Variants in DDX23 observed in about 807,000 individuals in gnomAD.
DDX23 encodes probable ATP-dependent RNA helicase DDX23.
In DDX23, 33 loss-of-function variants were observed where a neutral mutation model predicts 102.7. That is an observed-to-expected ratio of 0.32 (90% confidence interval 0.24 to 0.43). The LOEUF (loss-of-function observed/expected upper bound fraction) is 0.43, where lower values mean the gene tolerates loss of function less well. Among genes scored for constraint, DDX23 ranks in the 20% least tolerant of loss-of-function variants. The pLI is 1.00. For synonymous variants in DDX23, 352 were observed against 376.0 expected, an observed-to-expected ratio of 0.94 and a Z score of 0.74; for missense variants, 549 against 1,086.6, an observed-to-expected ratio of 0.51 and a Z score of 6.96.
Position 48,836,235 on chromosome 12 carries a change from G to A in DDX23, c.1268C>T (p.Pro423Leu), listed in dbSNP as rs1432462921. The A allele has an allele frequency of 1.2e-6, 2 of 1,614,038 alleles. No individual in the cohort carries two copies. Among genetic ancestry groups the A allele is most frequent in the Non-Finnish European group, 1.7e-6 (2 of 1,180,044 alleles). Residue 423 changes from proline to leucine, a missense_variant, in exon 11 of 17, where the codon CCC (proline) becomes CTC (leucine). This residue lies in a region of DDX23 where 270 missense variants were observed against 707.0 expected (regional missense o/e 0.38). Coordinates refer to ENST00000308025, the MANE Select transcript of DDX23 (RefSeq NM_004818.3). The surrounding 1 kb of genome is among the most constrained non-coding windows in gnomAD (Gnocchi z 6.1). ...GATGTCACGATTCTGTAGCCCAATG[G>A]GAATTGCCTGACGCTGTATAGGTGT... is the stretch of plus-strand genomic sequence containing the variant. Reference protein sequence around the residue: ...EPTPIQRQAIPIGLQNRDIIG... With the variant: ...EPTPIQRQAILIGLQNRDIIG...
At position 48,840,003 on chromosome 12, in the gene DDX23, T is replaced by C. The variant is rs755103107; in HGVS notation, c.414+10A>G. On this transcript the variant is annotated intron_variant, in intron 4 of 16. Transcript: ENST00000308025. Reference sequence around the variant, plus strand: ...AGTTGAAGATGAAAAATATCCTTCCTCTCCTTTACCTTAGGCTTCTTATCA... The same window carrying C: ...AGTTGAAGATGAAAAATATCCTTCCCCTCCTTTACCTTAGGCTTCTTATCA... 1 of 1,613,352 alleles carries C rather than the reference T, an allele frequency of 6.2e-7. No individual in the cohort carries two copies. The highest frequency in any genetic ancestry group is 8.5e-7 in the Non-Finnish European group (1 of 1,179,346).
At position 48,837,945 on chromosome 12, in the gene DDX23, A is replaced by G. The variant is rs763212341; in HGVS notation, c.616T>C (p.Leu206=). 6 of 1,612,728 alleles carry G rather than the reference A, an allele frequency of 3.7e-6. No homozygotes were observed. The South Asian group carries it at 6.6e-5, about 18-fold the overall frequency. Residue 206 remains leucine (L), a synonymous_variant, in exon 6 of 17, where the codon TTG becomes CTG. Coordinates refer to ENST00000308025, the MANE Select transcript of DDX23 (RefSeq NM_004818.3). ...TACACAGGGTAGAATAACAAACCCA[A>G]CATCTTCCTGCCCAAGTCTTGGAAC... ...KQFQDLGRKM[L]EDPQERERRE... is the part of the protein sequence containing the mutation.
chr12:48,845,176 A>G (rs1184711372), intron 2 of DDX23, among the ~76,000 whole-genome samples: 1 of 141,062 alleles, frequency 7.1e-6, no homozygotes, highest in Non-Finnish European at 1.5e-5. Flanking sequence ...AAAAAAGGCC[A>G]GGCGCGGTGG....
At position 48,845,700 on chromosome 12, in the gene DDX23, C is replaced by G. The variant is rs1938656098; in HGVS notation, c.83G>C (p.Arg28Thr). Residue 28 changes from arginine to threonine, a missense_variant, in exon 2 of 17, where the codon AGA becomes ACA. Arg to Thr is a moderately conservative substitution (Grantham distance 71, BLOSUM62 -1). Transcript: ENST00000308025. ...EERKRSRTPDRERDRDRDRKS... is the reference protein window; with the variant it reads ...EERKRSRTPDTERDRDRDRKS... ...CCGGTCCCGGTCTCTATCCCGCTCT[C>G]TGTCAGGAGTCCGTGATCGCTTCCT... 3 of 1,614,130 alleles carry G rather than the reference C, an allele frequency of 1.9e-6. No individual in the cohort carries two copies. In the African/African-American group the frequency reaches 4.0e-5, roughly 22 times the overall value.
Position 48,844,031 on chromosome 12 carries a change from G to C in DDX23, c.229C>G (p.Arg77Gly). Reference sequence around the variant, plus strand: ...CGATCCCGCTCCTTATCTCGTTCTCGTTCTTTGTGCCGTCGTTCTCTGGAA... The same window carrying C: ...CGATCCCGCTCCTTATCTCGTTCTCCTTCTTTGTGCCGTCGTTCTCTGGAA... The part of the protein sequence containing the change: ...SAERERRHKE[R>G]ERDKERDRNK... The change falls in exon 3 of 17, where the codon CGA (arginine) becomes GGA (glycine). Residue 77 changes from arginine to glycine, a missense_variant. Around this residue, in one of 4 missense-constraint regions of DDX23, gnomAD observed 241 missense variants for 267.0 expected, o/e 0.90. Transcript: ENST00000308025. The C allele has an allele frequency of 6.2e-7, 1 of 1,613,830 alleles. No individual in the cohort carries two copies. The highest frequency in any genetic ancestry group is 8.5e-7 in the Non-Finnish European group (1 of 1,179,954).
At position 48,831,132 on chromosome 12, in the gene DDX23, T is replaced by G. The variant is rs1189010397; in HGVS notation, c.2239+10A>C. On this transcript the variant is annotated intron_variant, in intron 16 of 16. Transcript: ENST00000308025. ...CACCCTGGATTGAAGCTGCTTTCCC[T>G]GGAACTTACCTTCAATATTTTTGGC... The G allele has an allele frequency of 6.2e-7, 1 of 1,614,022 alleles. No homozygotes were observed.
At chr12:48,846,858 G>A (rs976346682) in intron 1 of DDX23, among the ~76,000 whole-genome samples, 7 of 152,190 alleles carry the variant, frequency 4.6e-5, no homozygotes, top group African/African-American at 1.4e-4. Context: ...GGGAGACACC[G>A]AACACCACTC....
At chr12:48,844,109 C>T in intron 2 of DDX23, 59 bp from the exon 3 acceptor site, 3 of 1,524,510 alleles carry the variant, frequency 2.0e-6, no homozygotes, top group Non-Finnish European at 2.7e-6. Flanking sequence ...TGCTTCACTG[C>T]AGCCCTGAGA....
chr12:48,841,794 G>C (rs1248399615), intron 3 of DDX23, among the ~76,000 whole-genome samples: 1 of 152,126 alleles, frequency 6.6e-6, no homozygotes, highest in South Asian at 2.1e-4. Flanking sequence ...GTGCAGTGGC[G>C]TGATCTTGGC....
In DDX23 at chr12:48,836,421, G is replaced by A. The variant is rs1592200775; in HGVS notation, c.1236+148C>T. The A allele has an allele frequency of 1.1e-5, 13 of 1,235,248 alleles. No individual in the cohort carries two copies. The highest frequency in any genetic ancestry group is 9.0e-5 in the African/African-American group (6 of 66,434). 76.5% of individuals were successfully genotyped at this position (1,235,248 alleles called of 1,614,324 possible). On this transcript the variant is annotated intron_variant, in intron 10 of 16. Coordinates refer to ENST00000308025, the MANE Select transcript of DDX23 (RefSeq NM_004818.3). The surrounding 1 kb of genome is among the most constrained non-coding windows in gnomAD (Gnocchi z 6.1). ...CCAAGAAGAAACCTAATCACTAAAA[G>A]CCAACACTTCTACCAGAAAGTGACA... is the stretch of plus-strand genomic sequence containing the variant.
At position 48,839,762 on chromosome 12, in the gene DDX23, A is replaced by C. The variant is rs1275870564; in HGVS notation, c.480+82T>G. ...AGCCTCCAGAACTGTGAGAAAATTA[A>C]CTTCTGTCGTTGAAGTCACCCAGTC... is the stretch of plus-strand genomic sequence containing the variant. On this transcript the variant is annotated intron_variant, in intron 5 of 16. Transcript: ENST00000308025. 3 of 1,409,802 alleles carry C rather than the reference A, an allele frequency of 2.1e-6. No individual in the cohort carries two copies. The African/African-American group carries it at 4.3e-5, about 20-fold the overall frequency. The allele number at this position is 1,409,802 out of a possible 1,614,324, so 87.3% of individuals were successfully genotyped here.
rs73300107 is a variant in DDX23, at chr12:48,840,927, A to G, written c.321-821T>C. Among the ~76,000 whole-genome samples, 1,431 of 152,102 alleles carry G rather than the reference A, an allele frequency of 9.4e-3. 29 individuals carry two copies. Among genetic ancestry groups the G allele is most frequent in the African/African-American group, 0.033 (1,363 of 41,518 alleles). The stretch of plus-strand genomic sequence containing the variant: ...ACAAGCCAAGAAGATACTGCTATCT[A>G]TATTCCCTCATCATTTTTCATTCCT... On this transcript the variant is annotated intron_variant, in intron 3 of 16. Coordinates refer to ENST00000308025, the MANE Select transcript of DDX23 (RefSeq NM_004818.3).
chr12:48,839,945 C>G, intron 4 of DDX23, 36 bp from the exon 5 acceptor site: 1 of 1,612,398 alleles, frequency 6.2e-7, no homozygotes. Context: ...TATAAAGGCT[C>G]TCTCCCTTTA....
In DDX23 at chr12:48,836,079, T is replaced by C. The variant is rs758259209; in HGVS notation, c.1382+42A>G. 1.9e-6 allele frequency: 3 copies of C among 1,603,258 alleles called. No homozygotes were observed. The highest frequency in any genetic ancestry group is 3.3e-5 in the Admixed American group (2 of 59,836). The stretch of plus-strand genomic sequence containing the variant: ...ATTCATTTGCCACTTTCACCTTTCC[T>C]ACCCAGACAAACCCACTCCAGCTGG... On this transcript the variant is annotated intron_variant, in intron 11 of 16. Coordinates refer to ENST00000308025, the MANE Select transcript of DDX23 (RefSeq NM_004818.3). This position sits in a 1 kb window ranked among gnomAD's most constrained non-coding sequence, Gnocchi z 6.1.
At chr12:48,848,345 A>G (rs1157565335) in intron 1 of DDX23, among the ~76,000 whole-genome samples, 3 of 152,212 alleles carry the variant, frequency 2.0e-5, no homozygotes, top group Non-Finnish European at 4.4e-5. Flanking sequence ...TACTTCATAA[A>G]GCTTAAATTC....
At chr12:48,839,227 T>C (rs553984763) in intron 5 of DDX23, among the ~76,000 whole-genome samples, 2 of 151,778 alleles carry the variant, frequency 1.3e-5, no homozygotes, top group Admixed American at 6.6e-5. Context: ...TTTGACTATA[T>C]GTGGAGACAG....
In DDX23 at chr12:48,837,642, C is replaced by T. The variant is rs747065780; in HGVS notation, c.635G>A (p.Arg212Gln). 3.7e-6 allele frequency: 6 copies of T among 1,614,052 alleles called. 1 individual carries two copies. The highest frequency in any genetic ancestry group is 2.7e-5 in the African/African-American group (2 of 74,988). The change falls in exon 7 of 17, where the codon CGG becomes CAG. Residue 212 changes from arginine (R) to glutamine (Q), a missense_variant. By Grantham distance (43) the Arg-to-Gln change is conservative. Around this residue, in one of 4 missense-constraint regions of DDX23, gnomAD observed 270 missense variants for 707.0 expected, o/e 0.38. Transcript: ENST00000308025. ...CCTCTCCCTGCGTTCCCGACGTTCC[C>T]GTTCCTGAGGATCTTCTGCAGACCA... Reference protein sequence around the residue: ...GRKMLEDPQERERRERRERME... With the variant: ...GRKMLEDPQEQERRERRERME...
At chr12:48,851,976 C>G (rs1383950917) in intron 1 of DDX23, 108 bp downstream of exon 1, 1 of 152,396 alleles carries the variant, frequency 6.6e-6, no homozygotes, top group Non-Finnish European at 1.5e-5. Context: ...TGCCCCTTCT[C>G]TGAGGCGTTC....
At chr12:48,845,855 C>A in intron 1 of DDX23, 73 bp from the exon 2 acceptor site, 1 of 1,479,222 alleles carries the variant, frequency 6.8e-7, no homozygotes, top group Non-Finnish European at 9.2e-7. Context: ...ATTCAATTAC[C>A]CTCAAAACAA....
Sources: gnomAD v4.1 joint callset for allele counts (sites outside exome capture counted in the v4.1 genomes callset) on GRCh38, gnomAD v4.1.1 for gene constraint, gnomAD v4.1.1 regional missense constraint, Gnocchi (gnomAD v3.1) non-coding constraint, MANE v1.5 for transcripts, NCBI Gene and HGNC (gene_info 2026-07-23, HGNC 2026-07-21) for gene names.